The following ATP9B variants were observed in gnomAD, a reference collection of about 807,000 sequenced individuals.
ATP9B encodes the protein probable phospholipid-transporting ATPase IIB.
ATP9B carries 110 observed loss-of-function variants against 146.1 expected under a neutral mutation model. That is an observed-to-expected ratio of 0.75 (90% confidence interval 0.65 to 0.88). The LOEUF (loss-of-function observed/expected upper bound fraction) is 0.88, where lower values mean the gene tolerates loss of function less well. Among genes scored for constraint, ATP9B ranks in the 40% least tolerant of loss-of-function variants. The pLI is 0.00. For synonymous variants in ATP9B, 604 were observed against 569.7 expected (o/e 1.06, Z -0.86); for missense variants, 1,499 against 1,496.4 (o/e 1.00, Z -0.03).
rs55743066 is a variant in ATP9B, at chr18:79,082,879, C to T, written c.119+13350C>T. The stretch of plus-strand genomic sequence containing the variant: ...AGGTGTCTCCAGTCAGGATACATGG[C>T]GGTCAGGGATCCACTTGAGGAGGCA... On this transcript the variant is annotated intron_variant, in intron 1 of 29. Transcript: ENST00000426216. Among the ~76,000 whole-genome samples, 8 of 152,174 alleles carry T rather than the reference C, an allele frequency of 5.3e-5. No homozygotes were observed. The South Asian group carries it at 1.0e-3, about 20-fold the overall frequency.
In ATP9B at chr18:79,249,160, A is replaced by T. The variant is rs148166360; in HGVS notation, c.1108-4221A>T. Reference sequence around the variant, plus strand: ...CCCTTTATTGTTGGTATAAACCATTATTTTACTGAGAACCATTAGCTATTT... The same window carrying T: ...CCCTTTATTGTTGGTATAAACCATTTTTTTACTGAGAACCATTAGCTATTT... On this transcript the variant is annotated intron_variant, in intron 11 of 29. Coordinates refer to ENST00000426216, the MANE Select transcript of ATP9B (RefSeq NM_198531.5). Among the ~76,000 whole-genome samples the T allele has an allele frequency of 2.0e-5, 3 of 152,122 alleles. No individual in the cohort carries two copies. The East Asian group carries it at 5.8e-4, about 29-fold the overall frequency.
At chr18:79,333,248 C>G (rs946777234) in intron 17 of ATP9B, among the ~76,000 whole-genome samples, 12 of 152,198 alleles carry the variant, frequency 7.9e-5, no homozygotes, top group Non-Finnish European at 1.5e-4. Context: ...GCCCAAAGTC[C>G]CAGCTGTCTG....
Position 79,248,701 on chromosome 18 carries a change from A to G in ATP9B, c.1108-4680A>G, listed in dbSNP as rs2095993383. 2.0e-5 allele frequency among the ~76,000 whole-genome samples: 3 copies of G among 152,236 alleles called. No individual in the cohort carries two copies. In the South Asian group the frequency reaches 6.2e-4, roughly 31 times the overall value. ...CAAATTGTCCTATATTCACAGGGAA[A>G]CTACAGGACAAACTAAAATAATTTA... On this transcript the variant is annotated intron_variant, in intron 11 of 29. Coordinates refer to ENST00000426216, the MANE Select transcript of ATP9B (RefSeq NM_198531.5).
At chr18:79,235,097 T>C (rs1024588739) in intron 11 of ATP9B, among the ~76,000 whole-genome samples, 15 of 152,134 alleles carry the variant, frequency 9.9e-5, no homozygotes, top group Non-Finnish European at 2.2e-4. Context: ...GGTCTCGAAC[T>C]CCTAACCTCA....
chr18:79,245,643 CTGACTGAGGAGGGTACCGCCCTAG>C (rs2095941838), intron 11 of ATP9B, among the ~76,000 whole-genome samples: 2 of 93,288 alleles, frequency 2.1e-5, no homozygotes, highest in East Asian at 3.0e-4. Flanking sequence ...TACCGCCCTA[CTGACTGAGGAGGGTACCGCCCTAG>C]TGACTGTGCG....
intron 5 of ATP9B, among the ~76,000 whole-genome samples, chr18:79,139,080 C>T (rs2094482659): frequency 6.6e-6 from 1 of 152,126 alleles, no homozygotes; most frequent in African/African-American, 2.4e-5. Context: ...ACTTAATTAT[C>T]TATCACTCAT....
intron 17 of ATP9B, among the ~76,000 whole-genome samples, chr18:79,334,550 C>T (rs565724266): frequency 2.0e-5 from 3 of 152,204 alleles, no homozygotes; most frequent in Non-Finnish European, 4.4e-5. Flanking sequence ...GCCCGGCTGT[C>T]CTGAGCCCCG....
intron 8 of ATP9B, among the ~76,000 whole-genome samples, chr18:79,177,586 C>A (rs937027559): frequency 6.6e-6 from 1 of 152,110 alleles, no homozygotes; most frequent in Non-Finnish European, 1.5e-5. Flanking sequence ...CTCTCCTTTG[C>A]GACTTTGTAT....
At chr18:79,347,658 C>T (rs1241813931) in intron 23 of ATP9B, 112 bp from the exon 24 acceptor site, 7 of 1,278,940 alleles carry the variant, frequency 5.5e-6, no homozygotes, top group Non-Finnish European at 7.3e-6. Flanking sequence ...ACAAGTTCTG[C>T]AGAGAGAATT....
intron 11 of ATP9B, among the ~76,000 whole-genome samples, chr18:79,240,604 G>A (rs543739908): frequency 1.7e-4 from 26 of 152,304 alleles, no homozygotes; most frequent in African/African-American, 6.0e-4. Context: ...AATTAGCTGG[G>A]TGTGGTGGTG....
intron 11 of ATP9B, among the ~76,000 whole-genome samples, chr18:79,227,416 C>A (rs896956130): frequency 1.9e-4 from 1 of 5,252 alleles, no homozygotes; most frequent in Non-Finnish European, 6.2e-4. Context: ...GATGGGTGGG[C>A]GGGTGGGTGG....
At chr18:79,175,522 TCA>T (rs1288451439) in intron 7 of ATP9B, among the ~76,000 whole-genome samples, 1 of 151,488 alleles carries the variant, frequency 6.6e-6, no homozygotes, top group Non-Finnish European at 1.5e-5. Context: ...ACAGATACAC[TCA>T]CACACAGAGG....
chr18:79,308,956 CAG>C (rs1446485692), intron 15 of ATP9B, among the ~76,000 whole-genome samples: 4 of 38,090 alleles, frequency 1.1e-4, no homozygotes. Flanking sequence ...GGTAGAAGGT[CAG>C]GGGCTGAGGA....
chr18:79,344,396 C>G (rs1003758046), intron 21 of ATP9B, 42 bp downstream of exon 21: 3 of 1,584,000 alleles, frequency 1.9e-6, no homozygotes, highest in Admixed American at 1.7e-5. Flanking sequence ...GTCTGTGTCT[C>G]TGAGGCAAGG....
chr18:79,184,232 T>C (rs958363938), intron 8 of ATP9B, among the ~76,000 whole-genome samples: 46 of 152,226 alleles, frequency 3.0e-4, no homozygotes, highest in Non-Finnish European at 4.7e-4. Flanking sequence ...TACACTATTA[T>C]AATTATTAAA....
chr18:79,134,647 A>C (rs2094426373), intron 5 of ATP9B, among the ~76,000 whole-genome samples: 1 of 152,242 alleles, frequency 6.6e-6, no homozygotes, highest in Non-Finnish European at 1.5e-5. Flanking sequence ...CACTCATTCC[A>C]GTTAAAAAAG....
chr18:79,356,779 G>A (rs754576229), intron 25 of ATP9B, among the ~76,000 whole-genome samples: 8 of 152,192 alleles, frequency 5.3e-5, no homozygotes, highest in Non-Finnish European at 8.8e-5. Flanking sequence ...CAGAGCAGCC[G>A]CAGGAGGGAC....
intron 12 of ATP9B, among the ~76,000 whole-genome samples, chr18:79,274,473 A>G (rs891938809): frequency 1.3e-5 from 2 of 152,164 alleles, no homozygotes; most frequent in African/African-American, 4.8e-5. Flanking sequence ...TAAATACCCC[A>G]TGTGGTAGTA....
chr18:79,137,051 A>G (rs1164051620), intron 5 of ATP9B, among the ~76,000 whole-genome samples: 3 of 152,164 alleles, frequency 2.0e-5, no homozygotes, highest in Non-Finnish European at 4.4e-5. Context: ...ACAATTCAAG[A>G]TGAGAGTTGG....
Sources: allele counts gnomAD v4.1 joint callset (sites outside exome capture counted in the v4.1 genomes callset), GRCh38; gene constraint gnomAD v4.1.1; transcripts MANE v1.5; gene names NCBI Gene and HGNC (gene_info 2026-07-23, HGNC 2026-07-21).